The following ZNF609 variants were observed in gnomAD, a reference collection of about 807,000 sequenced individuals.
ZNF609 encodes the protein zinc finger protein 609.
Under a neutral mutation model 109.5 loss-of-function variants are expected in ZNF609, and 11 were observed. That is an observed-to-expected ratio of 0.10 (90% CI 0.06 to 0.17). ZNF609 has a LOEUF of 0.17. Among genes scored for constraint, ZNF609 ranks in the 10% least tolerant of loss-of-function variants. ZNF609 has a pLI of 1.00. For missense variants in ZNF609, 1,559 were observed against 1,772.4 expected (o/e 0.88, Z 2.16); for synonymous variants, 646 against 662.0 (o/e 0.98, Z 0.37).
intron 3 of ZNF609, among the ~76,000 whole-genome samples, chr15:64,628,845 G>A (rs1291268286): frequency 6.6e-6 from 1 of 151,790 alleles, no homozygotes; most frequent in African/African-American, 2.4e-5. Flanking sequence ...GGCTGGTCTC[G>A]AACTCCTGAC....
chr15:64,497,003 C>T (rs1056958927), intron 1 of ZNF609, among the ~76,000 whole-genome samples: 3 of 152,046 alleles, frequency 2.0e-5, no homozygotes, highest in Admixed American at 2.0e-4. Flanking sequence ...TTTATAGAGA[C>T]AGGGTTTTGC....
intron 2 of ZNF609, among the ~76,000 whole-genome samples, chr15:64,533,663 A>G (rs968166728): frequency 2.6e-5 from 4 of 152,064 alleles, no homozygotes; most frequent in Non-Finnish European, 5.9e-5. Flanking sequence ...TGTCTACTCT[A>G]TTTATTGCAA....
chr15:64,464,391 G>A (rs1448499596), intron 1 of ZNF609, among the ~76,000 whole-genome samples: 2 of 152,126 alleles, frequency 1.3e-5, no homozygotes, highest in African/African-American at 4.8e-5. Flanking sequence ...AGGTACCTTA[G>A]TACTTGTACT....
At chr15:64,489,119 AAAAG>A (rs1893373239) in intron 1 of ZNF609, among the ~76,000 whole-genome samples, 1 of 151,958 alleles carries the variant, frequency 6.6e-6, no homozygotes, top group Non-Finnish European at 1.5e-5. Context: ...AAAATAAAAA[AAAAG>A]GAAAATTAAT....
At chr15:64,547,405 A>G (rs995036349) in intron 2 of ZNF609, among the ~76,000 whole-genome samples, 1 of 152,228 alleles carries the variant, frequency 6.6e-6, no homozygotes, top group African/African-American at 2.4e-5. Flanking sequence ...AGGATGACAT[A>G]ATTGAAGTAA....
intron 2 of ZNF609, among the ~76,000 whole-genome samples, chr15:64,525,567 C>G (rs1207892096): frequency 6.6e-6 from 1 of 152,112 alleles, no homozygotes; most frequent in Non-Finnish European, 1.5e-5. Flanking sequence ...CTTTGCATTT[C>G]CATACAAATT....
At chr15:64,610,470 G>T (rs1895698929) in intron 2 of ZNF609, among the ~76,000 whole-genome samples, 1 of 152,040 alleles carries the variant, frequency 6.6e-6, no homozygotes, top group Non-Finnish European at 1.5e-5. Flanking sequence ...ATGTACCCCT[G>T]AACTTAAAAG....
chr15:64,620,958 A>G (rs961467966), intron 2 of ZNF609, among the ~76,000 whole-genome samples: 1 of 152,232 alleles, frequency 6.6e-6, no homozygotes, highest in Non-Finnish European at 1.5e-5. Context: ...TTGCAGAGCT[A>G]TTTAGAAGCT....
Position 64,681,296 on chromosome 15 carries a change from C to T in ZNF609, c.4163-13C>T. Reference sequence around the variant, plus strand: ...TGTGAGTGCTACACTAACATGTTCTCCTGCTTATTCAGGGCTTTCTTCTAC... The same window carrying T: ...TGTGAGTGCTACACTAACATGTTCTTCTGCTTATTCAGGGCTTTCTTCTAC... On this transcript the variant is annotated splice_polypyrimidine_tract_variant and intron_variant, in intron 8 of 9. Coordinates refer to ENST00000326648, the MANE Select transcript of ZNF609 (RefSeq NM_015042.2). 6.2e-7 allele frequency: 1 copy of T among 1,613,376 alleles called. No homozygotes were observed. The highest frequency in any genetic ancestry group is 2.2e-5 in the East Asian group (1 of 44,874).
chr15:64,663,428 G>A (rs954810025), intron 3 of ZNF609, among the ~76,000 whole-genome samples: 1 of 152,090 alleles, frequency 6.6e-6, no homozygotes, highest in Non-Finnish European at 1.5e-5. Flanking sequence ...TGGAGGAGAG[G>A]GTTGTTAAGG....
intron 6 of ZNF609, among the ~76,000 whole-genome samples, chr15:64,679,919 G>T (rs553645844): frequency 4.6e-5 from 7 of 152,286 alleles, no homozygotes; most frequent in South Asian, 2.1e-4. Flanking sequence ...TCTCCAAGAT[G>T]AATCTGAGAC....
intron 2 of ZNF609, among the ~76,000 whole-genome samples, chr15:64,607,481 T>C (rs1895622187): frequency 6.6e-6 from 1 of 151,858 alleles, no homozygotes; most frequent in African/African-American, 2.4e-5. Flanking sequence ...TTTAATGTTA[T>C]TTTAACTAAC....
At chr15:64,521,620 T>A (rs1893892103) in intron 2 of ZNF609, among the ~76,000 whole-genome samples, 1 of 152,204 alleles carries the variant, frequency 6.6e-6, no homozygotes, top group African/African-American at 2.4e-5. Context: ...TTAGGTAGAA[T>A]CAAGGCTCAT....
intron 2 of ZNF609, among the ~76,000 whole-genome samples, chr15:64,576,127 A>C (rs954637528): frequency 2.6e-5 from 4 of 152,126 alleles, no homozygotes; most frequent in African/African-American, 9.7e-5. Context: ...TAATTACTTG[A>C]TATACTTGAA....
At chr15:64,591,446 CA>C (rs1895295782) in intron 2 of ZNF609, among the ~76,000 whole-genome samples, 1 of 151,804 alleles carries the variant, frequency 6.6e-6, no homozygotes. Flanking sequence ...AACAAACAAA[CA>C]AACAAAAACA....
intron 3 of ZNF609, among the ~76,000 whole-genome samples, chr15:64,660,247 G>T (rs1896554110): frequency 6.6e-6 from 1 of 152,108 alleles, no homozygotes; most frequent in Non-Finnish European, 1.5e-5. Context: ...ATTAATAAAA[G>T]TATTTCTTTT....
intron 2 of ZNF609, among the ~76,000 whole-genome samples, chr15:64,550,372 T>C (rs1451152914): frequency 1.3e-5 from 2 of 152,066 alleles, no homozygotes; most frequent in Non-Finnish European, 2.9e-5. Context: ...GTTCTTTATA[T>C]ATTTTGGATA....
rs1313613165 is a variant in ZNF609, at chr15:64,512,104, C to G, written c.747+11938C>G. ...TGAAAAGGACTCTCCTTTTTCATTGCTCAGTGTACAGGATGCTTATGTTGG... is the reference window on the plus strand; with the variant it reads ...TGAAAAGGACTCTCCTTTTTCATTGGTCAGTGTACAGGATGCTTATGTTGG... On this transcript the variant is annotated intron_variant, in intron 2 of 9. Transcript: ENST00000326648. Among the ~76,000 whole-genome samples, 3 of 151,932 alleles carry G rather than the reference C, an allele frequency of 2.0e-5. No homozygotes were observed. The South Asian group carries it at 6.2e-4, about 31-fold the overall frequency.
At chr15:64,510,112 A>G (rs1475709623) in intron 2 of ZNF609, among the ~76,000 whole-genome samples, 1 of 152,214 alleles carries the variant, frequency 6.6e-6, no homozygotes, top group Non-Finnish European at 1.5e-5. Flanking sequence ...CATCATCACA[A>G]AGAGGGTGAG....
Sources: allele counts gnomAD v4.1 joint callset (sites outside exome capture counted in the v4.1 genomes callset), GRCh38; gene constraint gnomAD v4.1.1; transcripts MANE v1.5; gene names NCBI Gene and HGNC (gene_info 2026-07-23, HGNC 2026-07-21).